Variants in NUP88 observed in about 807,000 individuals in gnomAD.
NUP88 encodes the protein nuclear pore complex protein Nup88.
A neutral mutation model predicts 93.9 loss-of-function variants in NUP88; 57 were observed. The ratio of observed to expected loss-of-function variants is 0.61; its 90% confidence interval spans 0.49 to 0.76. The LOEUF (loss-of-function observed/expected upper bound fraction) is 0.76, where lower values mean the gene tolerates loss of function less well. NUP88 is among the 30% of genes least tolerant of loss of function. The pLI, the probability that NUP88 is intolerant of heterozygous loss-of-function variation, is 0.00. For synonymous variants in NUP88, 346 were observed against 336.8 expected (o/e 1.03, Z -0.30); for missense variants, 911 against 901.0 (o/e 1.01, Z -0.14).
chr17:5,386,359 C>A, intron 16 of NUP88, 90 bp from the exon 17 acceptor site: 1 of 958,112 alleles, frequency 1.0e-6, no homozygotes, highest in Non-Finnish European at 1.6e-6. Flanking sequence ...GTTGAAACAT[C>A]TAAGAACTGC....
At chr17:5,402,642 TA>T (rs1913240938) in intron 7 of NUP88, among the ~76,000 whole-genome samples, 1 of 152,014 alleles carries the variant, frequency 6.6e-6, no homozygotes, top group Non-Finnish European at 1.5e-5. Flanking sequence ...GTAAGGAGAG[TA>T]GGTCAAACTG....
At chr17:5,395,016 C>T (rs1310878205) in intron 8 of NUP88, 35 bp from the exon 9 acceptor site, 2 of 1,260,184 alleles carry the variant, frequency 1.6e-6, no homozygotes, top group South Asian at 1.2e-5. Flanking sequence ...TGAAATGATG[C>T]TTAGACAAGT....
At chr17:5,402,197 T>G (rs1567571744) in intron 7 of NUP88, among the ~76,000 whole-genome samples, 1 of 151,940 alleles carries the variant, frequency 6.6e-6, no homozygotes, top group Non-Finnish European at 1.5e-5. Flanking sequence ...ATCCCAGCTA[T>G]TTGGGAGGCT....
chr17:5,407,521 C>T (rs529805089), intron 5 of NUP88, among the ~76,000 whole-genome samples: 1 of 152,300 alleles, frequency 6.6e-6, no homozygotes, highest in South Asian at 2.1e-4. Context: ...CTCTAATGCT[C>T]AGCCCTTAGC....
intron 8 of NUP88, among the ~76,000 whole-genome samples, chr17:5,396,560 T>C (rs188053811): frequency 5.9e-5 from 9 of 152,330 alleles, no homozygotes; most frequent in Admixed American, 5.2e-4. Flanking sequence ...GGTATGTGGC[T>C]TCTGGGCTAT....
intron 7 of NUP88, among the ~76,000 whole-genome samples, chr17:5,403,574 C>T (rs548712640): frequency 7.2e-5 from 11 of 152,124 alleles, no homozygotes; most frequent in African/African-American, 2.4e-4. Flanking sequence ...GCAAAATAAT[C>T]GCTTGAACCT....
chr17:5,396,194 AGAGT>A (rs1405404793), intron 8 of NUP88, among the ~76,000 whole-genome samples: 2 of 152,198 alleles, frequency 1.3e-5, no homozygotes, highest in East Asian at 3.9e-4. Flanking sequence ...CTGGGCAACA[AGAGT>A]GAAACTCCGT....
At chr17:5,398,136 G>C (rs58945691) in intron 8 of NUP88, among the ~76,000 whole-genome samples, 66,304 of 151,610 alleles carry the variant, frequency 0.44, 15,227 homozygotes, top group East Asian at 0.84. Context: ...TGGTCTTGAA[G>C]TCCTAACCTC....
chr17:5,387,699 T>C (rs776915697), intron 12 of NUP88, 29 bp from the exon 13 acceptor site: 10 of 1,609,402 alleles, frequency 6.2e-6, no homozygotes, highest in South Asian at 4.4e-5. Flanking sequence ...ATAGAGTTTA[T>C]TCAGAAGCCA....
chr17:5,403,892 A>C (rs1913321608), intron 7 of NUP88, among the ~76,000 whole-genome samples: 1 of 152,214 alleles, frequency 6.6e-6, no homozygotes, highest in Non-Finnish European at 1.5e-5. Context: ...GGTGATCTGG[A>C]CCAAAGACCA....
intron 7 of NUP88, among the ~76,000 whole-genome samples, chr17:5,402,977 G>C (rs1316162144): frequency 6.6e-6 from 1 of 152,136 alleles, no homozygotes; most frequent in Non-Finnish European, 1.5e-5. Context: ...ATGACACAGT[G>C]AGATCATATC....
At position 5,414,078 on chromosome 17, in the gene NUP88, T is replaced by C. The variant is rs74603162; in HGVS notation, c.524A>G (p.His175Arg). The change falls in exon 3 of 17, where the codon CAT (histidine) becomes CGT (arginine). Residue 175 changes from histidine to arginine, a missense_variant. His to Arg is a conservative substitution (Grantham distance 29, BLOSUM62 0). Coordinates refer to ENST00000573584, the MANE Select transcript of NUP88 (RefSeq NM_002532.6). Reference sequence around the variant, plus strand: ...GATTTCACTTGGATACCATGCAGCATGCTTTAGAGTCAGAGAGGTGGAACT... The same window carrying C: ...GATTTCACTTGGATACCATGCAGCACGCTTTAGAGTCAGAGAGGTGGAACT... ...FTSSTSLTLK[H>R]AAWYPSEILD... The C allele has an allele frequency of 4.3e-6, 7 of 1,613,712 alleles. No individual in the cohort carries two copies. The Admixed American group carries it at 8.3e-5, about 19-fold the overall frequency.
intron 7 of NUP88, among the ~76,000 whole-genome samples, chr17:5,401,957 C>T (rs893577026): frequency 6.6e-6 from 1 of 152,128 alleles, no homozygotes; most frequent in Non-Finnish European, 1.5e-5. Context: ...ATGCCTTGTT[C>T]AGCACAATTA....
At position 5,410,693 on chromosome 17, in the gene NUP88, A is replaced by G. The variant is rs776999391; in HGVS notation, c.680+10T>C. ...TAAAAAACCATTTCAAGACTCAAAT[A>G]AAAACTTACCCTTTATTGAGTACTA... On this transcript the variant is annotated intron_variant, in intron 4 of 16. Coordinates refer to ENST00000573584, the MANE Select transcript of NUP88 (RefSeq NM_002532.6). The G allele has an allele frequency of 3.4e-5, 52 of 1,528,530 alleles. No homozygotes were observed. The highest frequency in any genetic ancestry group is 4.6e-5 in the Non-Finnish European group (51 of 1,115,354). 94.7% of individuals were successfully genotyped at this position (1,528,530 alleles called of 1,614,324 possible). A position where few individuals can be genotyped will look rare whatever the true frequency, so the allele number is the denominator to read the frequency against.
At chr17:5,389,775 C>CAA (rs58723410) in intron 10 of NUP88, among the ~76,000 whole-genome samples, 7,908 of 76,456 alleles carry the variant, frequency 0.1, 514 homozygotes, top group Middle Eastern at 0.13. Context: ...GACTCTGTCT[C>CAA]AAAAAAAAAA....
chr17:5,391,222 C>T (rs941025808), intron 10 of NUP88, among the ~76,000 whole-genome samples: 4 of 152,138 alleles, frequency 2.6e-5, no homozygotes, highest in East Asian at 1.9e-4. Flanking sequence ...AGTGCGGGTA[C>T]GTGGCTTACT....
At chr17:5,413,242 G>T (rs764908076) in intron 3 of NUP88, among the ~76,000 whole-genome samples, 9 of 152,178 alleles carry the variant, frequency 5.9e-5, no homozygotes, top group Non-Finnish European at 1.0e-4. Flanking sequence ...AAAGTGCTGG[G>T]ATTACAGGTG....
Position 5,392,034 on chromosome 17 carries a change from C to A in NUP88, c.1383-372G>T, listed in dbSNP as rs374280294. On this transcript the variant is annotated intron_variant, in intron 9 of 16. Coordinates refer to ENST00000573584, the MANE Select transcript of NUP88 (RefSeq NM_002532.6). Reference sequence around the variant, plus strand: ...TTGAATGAACAGAACTACCGAGTCTCTCTCAATGAGGCCCAATGTCAATGT... The same window carrying A: ...TTGAATGAACAGAACTACCGAGTCTATCTCAATGAGGCCCAATGTCAATGT... Among the ~76,000 whole-genome samples, 106 of 152,364 alleles carry A rather than the reference C, an allele frequency of 7.0e-4. 1 individual carries two copies. In the South Asian group the frequency reaches 0.022, roughly 32 times the overall value.
chr17:5,416,777 T>C, intron 1 of NUP88, 95 bp from the exon 2 acceptor site: 2 of 984,600 alleles, frequency 2.0e-6, no homozygotes. Context: ...TTTACTACAA[T>C]TATAGGATAA....
Sources: allele counts gnomAD v4.1 joint callset (sites outside exome capture counted in the v4.1 genomes callset), GRCh38; gene constraint gnomAD v4.1.1; transcripts MANE v1.5; gene names NCBI Gene and HGNC (gene_info 2026-07-23, HGNC 2026-07-21).